Variants in MTMR2 observed in about 807,000 individuals in gnomAD.
MTMR2 encodes the protein myotubularin related protein 2, also known as phosphatidylinositol-3,5-bisphosphate 3-phosphatase MTMR2.
Under a neutral mutation model 86.9 loss-of-function variants are expected in MTMR2, and 55 were observed. The observed-to-expected ratio is 0.63, with a 90% confidence interval of 0.51 to 0.79. The LOEUF (loss-of-function observed/expected upper bound fraction) is 0.79, where lower values mean the gene tolerates loss of function less well. Among genes scored for constraint, MTMR2 ranks in the 30% least tolerant of loss-of-function variants. MTMR2 has a pLI of 0.00. For synonymous variants in MTMR2, 241 were observed against 266.8 expected (o/e 0.90, Z 0.94); for missense variants, 659 against 772.3 (o/e 0.85, Z 1.74).
chr11:95,858,158 G>A (rs1864277487), intron 6 of MTMR2, among the ~76,000 whole-genome samples: 1 of 152,106 alleles, frequency 6.6e-6, no homozygotes, highest in African/African-American at 2.4e-5. Context: ...AGCACATAGT[G>A]GGAACTCAGG....
intron 1 of MTMR2, among the ~76,000 whole-genome samples, chr11:95,891,898 G>A (rs1865729483): frequency 6.6e-6 from 1 of 152,108 alleles, no homozygotes; most frequent in African/African-American, 2.4e-5. Flanking sequence ...GAGACAGAGA[G>A]AGCATGAGAG....
At chr11:95,881,350 T>G (rs1158797163) in intron 2 of MTMR2, among the ~76,000 whole-genome samples, 14 of 152,170 alleles carry the variant, frequency 9.2e-5, no homozygotes, top group Admixed American at 9.2e-4. Context: ...CCTTTTACCC[T>G]TGCATATAAA....
chr11:95,899,491 T>C (rs1193099095), intron 1 of MTMR2, among the ~76,000 whole-genome samples: 1 of 152,182 alleles, frequency 6.6e-6, no homozygotes, highest in African/African-American at 2.4e-5. Context: ...GATTTACTGC[T>C]TATCAGTGTG....
rs77854466 is a variant in MTMR2 at position 95,837,337 on chromosome 11, C to G, written c.1593+757G>C. Among the ~76,000 whole-genome samples the G allele has an allele frequency of 2.9e-3, 441 of 152,134 alleles. 4 individuals carry two copies. The highest frequency in any genetic ancestry group is 0.01 in the African/African-American group (423 of 41,536). ...GTAAGTGATAGATCCAGGATTTGAA[C>G]CCAGCAACTGGGCTTCAGTGCAAGT... On this transcript the variant is annotated intron_variant, in intron 13 of 14. Coordinates refer to ENST00000346299, the MANE Select transcript of MTMR2 (RefSeq NM_016156.6).
chr11:95,894,514 C>T (rs1490041623), intron 1 of MTMR2, among the ~76,000 whole-genome samples: 4 of 152,020 alleles, frequency 2.6e-5, no homozygotes, highest in African/African-American at 4.8e-5. Context: ...GGCAAAAGTT[C>T]GAAGGCAAGA....
At chr11:95,877,595 T>C (rs1323510401) in intron 2 of MTMR2, among the ~76,000 whole-genome samples, 2 of 152,046 alleles carry the variant, frequency 1.3e-5, no homozygotes, top group Non-Finnish European at 2.9e-5. Context: ...GAAATAGGGT[T>C]GTTGCAGATA....
Position 95,924,018 on chromosome 11 carries a change from C to A in MTMR2, c.-64G>T. The A allele has an allele frequency of 1.3e-6, 2 of 1,540,676 alleles. No homozygotes were observed. The highest frequency in any genetic ancestry group is 2.0e-5 in the Admixed American group (1 of 50,994). ...CTTCGCGGCTACAGGGCGGGAGAAG[C>A]GGAGGGCGGAGTGCTACGGACCGGG... On this transcript the variant is annotated 5_prime_UTR_variant, in exon 1 of 15. Coordinates refer to ENST00000346299, the MANE Select transcript of MTMR2 (RefSeq NM_016156.6).
rs755882758 is a variant in MTMR2, at chr11:95,862,291, T to C, written c.338A>G (p.Tyr113Cys). The C allele has an allele frequency of 5.6e-6, 9 of 1,613,858 alleles. No individual in the cohort carries two copies. Among genetic ancestry groups the C allele is most frequent in the African/African-American group, 1.3e-5 (1 of 74,944 alleles). Residue 113 changes from tyrosine (Y) to cysteine (C), a missense_variant, in exon 4 of 15, where the codon TAT (tyrosine) becomes TGT (cysteine). Physicochemically the swap from Tyr to Cys is radical, Grantham distance 194. Transcript: ENST00000346299. ...GTLTVTNYRL[Y>C]FKSMERDPPF... ...TCTTACCCGTTCCATGCTTTTGAAA[T>C]ATAACCTATAATTCGTGACAGTCAG...
intron 11 of MTMR2, among the ~76,000 whole-genome samples, chr11:95,842,658 C>T (rs1590975842): frequency 1.3e-5 from 2 of 152,294 alleles, no homozygotes; most frequent in Admixed American, 6.5e-5. Flanking sequence ...GAGGTCAAAA[C>T]TATTTCCATA....
chr11:95,883,489 A>G (rs931027853), intron 2 of MTMR2, among the ~76,000 whole-genome samples: 5 of 152,224 alleles, frequency 3.3e-5, no homozygotes, highest in African/African-American at 1.2e-4. Flanking sequence ...TTACTTCCAG[A>G]GGGAGAACAA....
chr11:95,857,959 A>G (rs2135463254), intron 6 of MTMR2, among the ~76,000 whole-genome samples: 1 of 152,290 alleles, frequency 6.6e-6, no homozygotes, highest in East Asian at 1.9e-4. Context: ...CACAACTATG[A>G]TGTGAAAAAA....
intron 2 of MTMR2, chr11:95,887,848 T>A (rs1865568892): frequency 2.9e-6 from 1 of 342,538 alleles, no homozygotes; most frequent in African/African-American, 2.1e-5. Flanking sequence ...CAGTACATAT[T>A]CAATAAATGT....
At chr11:95,888,290 G>C (rs748952404) in intron 1 of MTMR2, 29 bp from the exon 2 acceptor site, 12 of 1,500,442 alleles carry the variant, frequency 8.0e-6, no homozygotes, top group Non-Finnish European at 1.1e-5. Context: ...CAGTATGTTG[G>C]AAAAATGGGG....
intron 2 of MTMR2, among the ~76,000 whole-genome samples, chr11:95,880,046 TTA>T (rs1408256334): frequency 1.3e-5 from 2 of 151,792 alleles, no homozygotes; most frequent in African/African-American, 4.8e-5. Flanking sequence ...AATTTTTCTC[TTA>T]TATTTTATAA....
chr11:95,865,513 G>T, intron 3 of MTMR2, 88 bp downstream of exon 3: 1 of 1,222,164 alleles, frequency 8.2e-7, no homozygotes, highest in Non-Finnish European at 1.2e-6. Context: ...GTCTCTGACA[G>T]CCAGTTTATT....
chr11:95,892,359 C>T (rs1180522290), intron 1 of MTMR2, among the ~76,000 whole-genome samples: 1 of 152,180 alleles, frequency 6.6e-6, no homozygotes, highest in African/African-American at 2.4e-5. Flanking sequence ...AGAAGGTCTT[C>T]CAGTTGGAAC....
chr11:95,839,655 A>T (rs1863453167), intron 12 of MTMR2, among the ~76,000 whole-genome samples: 1 of 152,158 alleles, frequency 6.6e-6, no homozygotes. Flanking sequence ...CTCAGGGCTG[A>T]GGTGACAGAG....
intron 1 of MTMR2, among the ~76,000 whole-genome samples, chr11:95,911,460 G>C (rs1301473795): frequency 1.3e-5 from 2 of 152,132 alleles, no homozygotes; most frequent in African/African-American, 4.8e-5. Flanking sequence ...TGCGGAAAAT[G>C]AATGTGTCCC....
intron 12 of MTMR2, among the ~76,000 whole-genome samples, chr11:95,839,153 C>T (rs762557040): frequency 6.6e-6 from 1 of 151,648 alleles, no homozygotes; most frequent in African/African-American, 2.4e-5. Context: ...TTAAAGTTTC[C>T]TACATTTTAG....
Sources: gnomAD v4.1 joint callset for allele counts (sites outside exome capture counted in the v4.1 genomes callset) on GRCh38, gnomAD v4.1.1 for gene constraint, MANE v1.5 for transcripts, NCBI Gene and HGNC (gene_info 2026-07-23, HGNC 2026-07-21) for gene names.